The following TTN variants were observed in gnomAD, a reference collection of about 807,000 sequenced individuals.
TTN encodes titin, also known as connectin.
TTN carries 1,525 observed loss-of-function variants against 3,223.0 expected under a neutral mutation model. The ratio of observed to expected loss-of-function variants is 0.47; its 90% CI spans 0.45 to 0.49. The LOEUF (loss-of-function observed/expected upper bound fraction) is 0.49, where lower values mean the gene tolerates loss of function less well. TTN is among the 20% of genes least tolerant of loss of function. The pLI is 0.00. For synonymous variants in TTN, 14,094 were observed against 15,161.0 expected, an observed-to-expected ratio of 0.93 and a Z score of 5.17; for missense variants, 40,786 against 43,424.0, an observed-to-expected ratio of 0.94 and a Z score of 5.40.
intron 263 of TTN, among the ~76,000 whole-genome samples, 195 bp downstream of exon 263, chr2:178,613,556 T>C (rs188055230): frequency 2.0e-5 from 3 of 151,980 alleles, no homozygotes; most frequent in African/African-American, 7.2e-5. Context: ...GTTAATATTT[T>C]AGAGTAAACT....
intron 119 of TTN, among the ~76,000 whole-genome samples, chr2:178,693,149 A>G (rs1406498488): frequency 6.6e-6 from 1 of 152,172 alleles, no homozygotes; most frequent in East Asian, 1.9e-4. Context: ...CAAAGATGGA[A>G]ACAATCTCAG....
intron 120 of TTN, 92 bp downstream of exon 120, chr2:178,692,394 ATTATAGATGGT>A: frequency 1.9e-6 from 2 of 1,075,620 alleles, no homozygotes; most frequent in Non-Finnish European, 1.4e-6. Context: ...AATTAAATAT[ATTATAGATGGT>A]TTACAGATGC....
At position 178,789,235 on chromosome 2, in the gene TTN, A is replaced by G. The variant is rs561493928; in HGVS notation, c.2076+125T>C. 3.0e-6 allele frequency: 4 copies of G among 1,315,468 alleles called. 1 individual carries two copies. The South Asian group carries it at 5.2e-5, about 17-fold the overall frequency. The allele number at this position is 1,315,468 out of a possible 1,614,324, so 81.5% of individuals were successfully genotyped here. A position where few individuals can be genotyped will look rare whatever the true frequency, so the allele number is the denominator to read the frequency against. On this transcript the variant is annotated intron_variant, in intron 13 of 362. Coordinates refer to ENST00000589042, the MANE Select transcript of TTN (RefSeq NM_001267550.2). ...ATTGTCTAAAAAATAAATTTGGTTA[A>G]TAGTGACTCATACATAAGAAATTCA...
rs761331467 is a variant in TTN at position 178,632,131 on chromosome 2, T to C, written c.43747+16A>G. 9 of 1,555,488 alleles carry C rather than the reference T, an allele frequency of 5.8e-6. No individual in the cohort carries two copies. The South Asian group carries it at 1.1e-4, about 19-fold the overall frequency. On this transcript the variant is annotated intron_variant, in intron 236 of 362. Coordinates refer to ENST00000589042, the MANE Select transcript of TTN (RefSeq NM_001267550.2). ...TGAATTTAATGCAGTAAAATTAAAA[T>C]TTAAAAAGCACTTACCAAGCACAGT...
In TTN at chr2:178,733,400, C is replaced by T. The variant is rs1395880212; in HGVS notation, c.15893G>A (p.Gly5298Glu). 5 of 1,613,708 alleles carry T rather than the reference C, an allele frequency of 3.1e-6. No homozygotes were observed. Among genetic ancestry groups the T allele is most frequent in the Non-Finnish European group, 3.4e-6 (4 of 1,179,774 alleles). Residue 5298 changes from glycine to glutamate, a missense_variant, in exon 54 of 363, where the codon GGG becomes GAG. Physicochemically the swap from Gly to Glu is moderately conservative, Grantham distance 98. Coordinates refer to ENST00000589042, the MANE Select transcript of TTN (RefSeq NM_001267550.2). The part of the protein sequence containing the change: ...PELKPKWYKD[G>E]RPLVASKKYR... ...TTTTTTACTGGCGACCAAGGGTCTC[C>T]CATCTTTGTACCATTTGGGCTTCAG...
chr2:178,579,939 G>A lies in TTN; in HGVS notation c.67348C>T (p.Gln22450Ter), dbSNP rs1403485272. 2 of 1,612,930 alleles carry A rather than the reference G, an allele frequency of 1.2e-6. No individual in the cohort carries two copies. Among genetic ancestry groups the A allele is most frequent in the South Asian group, 1.1e-5 (1 of 91,020 alleles). Residue 22450 changes from glutamine (Q) to a stop codon, truncating the protein, a stop_gained and splice_region_variant, in exon 318 of 363, where the codon CAA becomes TAA. Transcript: ENST00000589042. LOFTEE classifies it high-confidence loss of function. ...GETRDAVKASQTPGPVVDLKV... is the reference protein window; with the variant it reads ...GETRDAVKAS Reference sequence around the variant, plus strand: ...ATGGGATGATGGTTCATTTGCTTACGGGAAGCTTTGACAGCATCACGAGTT... The same window carrying A: ...ATGGGATGATGGTTCATTTGCTTACAGGAAGCTTTGACAGCATCACGAGTT...
intron 127 of TTN, among the ~76,000 whole-genome samples, chr2:178,685,895 A>G (rs562670445): frequency 6.6e-5 from 10 of 152,174 alleles, no homozygotes; most frequent in African/African-American, 1.4e-4. Flanking sequence ...AACGATTATA[A>G]TAGCTGAGTT....
rs886042119 is a variant in TTN, at chr2:178,616,622, T to C, written c.48169A>G (p.Ser16057Gly). The C allele has an allele frequency of 2.5e-6, 4 of 1,612,148 alleles. No homozygotes were observed. The highest frequency in any genetic ancestry group is 1.1e-5 in the South Asian group (1 of 90,982). ...CCAAATTTCAATTCTTTGGGTGCAC[T>C]TGGGCGAGCTGAAAAAAAATGCACT... The part of the protein sequence containing the change: ...EIDVNVIARP[S>G]APKELKFGDI... Residue 16057 changes from serine to glycine, a missense_variant, in exon 257 of 363, where the codon AGT (serine) becomes GGT (glycine). By Grantham distance (56) the Ser-to-Gly change is moderately conservative. Transcript: ENST00000589042.
At chr2:178,666,232 A>G (rs905405975) in intron 163 of TTN, among the ~76,000 whole-genome samples, 2 of 152,118 alleles carry the variant, frequency 1.3e-5, no homozygotes, top group Non-Finnish European at 1.5e-5. Flanking sequence ...AAAATATCAA[A>G]ATATTCAGAT....
At chr2:178,694,956 TTCTCTCTC>T (rs756808591) in intron 115 of TTN, 50 bp from the exon 116 acceptor site, 1 of 1,342,934 alleles carries the variant, frequency 7.4e-7, no homozygotes, top group Non-Finnish European at 1.0e-6. Flanking sequence ...CCTATTAAAA[TTCTCTCTC>T]TCTCTATCTC....
In TTN at chr2:178,611,176, T is replaced by C; in HGVS notation, c.50953A>G (p.Thr16985Ala). Residue 16985 changes from threonine to alanine, a missense_variant, in exon 270 of 363, where the codon ACT (threonine) becomes GCT (alanine). By Grantham distance (58) the Thr-to-Ala change is moderately conservative. Transcript: ENST00000589042. ...TTGCCATCTTTATGCCAACTAACAG[T>C]TGGAACTGGGACAGCTCTGAAGGGA... ...PVPFRAVPVP[T>A]VSWHKDGKEV... The C allele has an allele frequency of 2.5e-6, 4 of 1,612,760 alleles. No homozygotes were observed. Among genetic ancestry groups the C allele is most frequent in the Non-Finnish European group, 3.4e-6 (4 of 1,179,248 alleles).
rs397517573 is a variant in TTN at position 178,632,589 on chromosome 2, C to G, written c.43417G>C (p.Asp14473His). The G allele has an allele frequency of 1.2e-4, 188 of 1,613,254 alleles. No homozygotes were observed. The highest frequency in any genetic ancestry group is 3.1e-5 in the Non-Finnish European group (36 of 1,179,550). Residue 14473 changes from aspartate to histidine, a missense_variant, in exon 235 of 363, where the codon GAT (aspartate) becomes CAT (histidine). By Grantham distance (81) the Asp-to-His change is moderately conservative. Coordinates refer to ENST00000589042, the MANE Select transcript of TTN (RefSeq NM_001267550.2). ...GCTTCAAACATGTATTTTGCTTCAT[C>G]TTCAAAAGCAGCTGACTTGATCACC... ...SMVIKSAAFE[D>H]EAKYMFEAED...
rs1471754400 is a variant in TTN at position 178,665,411 on chromosome 2, A to G, written c.36009T>C (p.Asp12003=). ...EVVPEMKIFE[D]VPEEPETPRM... ...GTGGAGTTTCTGGCTCTTCAGGTAC[A>G]TCCTCAAATATTTTCATTTCAGGGA... Residue 12003 remains aspartate (D), a synonymous_variant, in exon 165 of 363, where the codon GAT becomes GAC. Coordinates refer to ENST00000589042, the MANE Select transcript of TTN (RefSeq NM_001267550.2). 1.9e-6 allele frequency: 3 copies of G among 1,612,334 alleles called. No homozygotes were observed. The African/African-American group carries it at 4.0e-5, about 22-fold the overall frequency.
chr2:178,561,186 C>T lies in TTN; in HGVS notation c.84946G>A (p.Glu28316Lys). The change falls in exon 326 of 363, where the codon GAA (glutamate) becomes AAA (lysine). Residue 28316 changes from glutamate (E) to lysine (K), a missense_variant. Physicochemically the swap from Glu to Lys is moderately conservative, Grantham distance 56. Transcript: ENST00000589042. ...NIQETYFEVT[E>K]LTEDQRYEFR... is the part of the protein sequence containing the mutation. ...TCATAACGCTGATCTTCAGTAAGTT[C>T]AGTTACTTCAAAGTATGTTTCTTGT... 6.2e-7 allele frequency: 1 copy of T among 1,613,560 alleles called. No homozygotes were observed. Among genetic ancestry groups the T allele is most frequent in the Non-Finnish European group, 8.5e-7 (1 of 1,179,800 alleles).
In TTN at chr2:178,728,854, G is replaced by A. The variant is rs374499612; in HGVS notation, c.19147+37C>T. On this transcript the variant is annotated intron_variant, in intron 65 of 362. Transcript: ENST00000589042. ...AATAATGTCTGCTAATGAAACTGTC[G>A]CTATAGACTATCTTTGAAAGAGAAT... 9.6e-5 allele frequency: 151 copies of A among 1,572,750 alleles called. No individual in the cohort carries two copies. In the African/African-American group the frequency reaches 1.5e-3, roughly 16 times the overall value.
rs376744914 is a variant in TTN, at chr2:178,709,675, C to T, written c.28644G>A (p.Thr9548=). ...CTGCTTTCCTGACTTGCAGCACTAA[C>T]GTGTTGTTCTTGAATGTTATTTCAC... The part of the protein sequence containing the change: ...SNCEITFKNN[T]LVLQVRKAGM... The change falls in exon 99 of 363, where the codon ACG becomes ACA. Residue 9548 remains threonine, a synonymous_variant. Coordinates refer to ENST00000589042, the MANE Select transcript of TTN (RefSeq NM_001267550.2). The T allele has an allele frequency of 1.6e-4, 258 of 1,613,774 alleles. No homozygotes were observed. Among genetic ancestry groups the T allele is most frequent in the African/African-American group, 4.0e-4 (30 of 74,914 alleles).
chr2:178,702,505 C>A lies in TTN; in HGVS notation c.30382G>T (p.Asp10128Tyr). The change falls in exon 107 of 363, where the codon GAT becomes TAT. Residue 10128 changes from aspartate to tyrosine, a missense_variant. Physicochemically the swap from Asp to Tyr is radical, Grantham distance 160. Coordinates refer to ENST00000589042, the MANE Select transcript of TTN (RefSeq NM_001267550.2). ...TESQKYNFRN[D>Y]GRCHYMTIHN... ...ATGGTCATATAATGGCAGCGGCCAT[C>A]ATTCCTGAAGTTGTATTTCTGGCTC... is the stretch of plus-strand genomic sequence containing the variant. 1.2e-6 allele frequency: 2 copies of A among 1,613,980 alleles called. No individual in the cohort carries two copies. Among genetic ancestry groups the A allele is most frequent in the Non-Finnish European group, 1.7e-6 (2 of 1,179,884 alleles).
At position 178,773,208 on chromosome 2, in the gene TTN, T is replaced by C. The variant is rs2091789026; in HGVS notation, c.7756A>G (p.Ile2586Val). The part of the protein sequence containing the change: ...SKYKIEAHGK[I>V]YKLTVLNMMK... ...ATATTTAGAACTGTCAATTTATATATTTTTCCATGTGCTTCAATTTTATAT... is the reference window on the plus strand; with the variant it reads ...ATATTTAGAACTGTCAATTTATATACTTTTCCATGTGCTTCAATTTTATAT... Residue 2586 changes from isoleucine to valine, a missense_variant, in exon 33 of 363, where the codon ATA (isoleucine) becomes GTA (valine). Transcript: ENST00000589042. The C allele has an allele frequency of 6.2e-7, 1 of 1,613,702 alleles. No homozygotes were observed. Among genetic ancestry groups the C allele is most frequent in the Non-Finnish European group, 8.5e-7 (1 of 1,179,904 alleles).
chr2:178,775,542 C>A lies in TTN; in HGVS notation c.6322G>T (p.Glu2108Ter). 3 of 1,613,930 alleles carry A rather than the reference C, an allele frequency of 1.9e-6. No homozygotes were observed. The highest frequency in any genetic ancestry group is 1.1e-5 in the South Asian group (1 of 91,074). The change falls in exon 28 of 363, where the codon GAA becomes TAA. Residue 2108 changes from glutamate to a stop codon, truncating the protein, a stop_gained. Transcript: ENST00000589042. LOFTEE classifies it high-confidence loss of function. Reference sequence around the variant, plus strand: ...ACACCATTTTTGTACCATTCACATTCGGGGTCTGGTTTCCCCACGACTCTG... The same window carrying A: ...ACACCATTTTTGTACCATTCACATTAGGGGTCTGGTTTCCCCACGACTCTG... Reference protein sequence around the residue: ...RVRVVGKPDPECEWYKNGVKI... With the variant: ...RVRVVGKPDP
Sources: gnomAD v4.1 joint callset for allele counts (sites outside exome capture counted in the v4.1 genomes callset) on GRCh38, gnomAD v4.1.1 for gene constraint, MANE v1.5 for transcripts, NCBI Gene and HGNC (gene_info 2026-07-23, HGNC 2026-07-21) for gene names.